ARHGAP15: variants seen among roughly 807,000 people sequenced by gnomAD.
The protein encoded by ARHGAP15 is rho GTPase-activating protein 15.
In ARHGAP15, 51 loss-of-function variants were observed where a neutral mutation model predicts 63.7. The ratio of observed to expected loss-of-function variants is 0.80; its 90% CI spans 0.64 to 1.01. The LOEUF is 1.01. ARHGAP15 is among the 50% of genes least tolerant of loss of function. The probability of loss-of-function intolerance (pLI) is 0.00; values close to 1 mark genes in which losing one functional copy is unlikely to be tolerated. For missense variants in ARHGAP15, 560 were observed against 564.6 expected (o/e 0.99, Z 0.08); for synonymous variants, 191 against 193.8 (o/e 0.99, Z 0.12).
chr2:143,448,839 A>G (rs991913676), intron 8 of ARHGAP15, among the ~76,000 whole-genome samples: 1 of 152,038 alleles, frequency 6.6e-6, no homozygotes, highest in African/African-American at 2.4e-5. Context: ...GGTGATTCCC[A>G]TGCACATTAA....
intron 1 of ARHGAP15, 107 bp from the exon 2 acceptor site, chr2:143,155,370 T>A (rs1049223258): frequency 1.8e-6 from 2 of 1,097,692 alleles, no homozygotes; most frequent in Non-Finnish European, 1.3e-6. Flanking sequence ...TGAAGACTCT[T>A]GTTTATCAAC....
chr2:143,594,083 T>C (rs1697420024), intron 11 of ARHGAP15, among the ~76,000 whole-genome samples: 2 of 152,156 alleles, frequency 1.3e-5, no homozygotes. Context: ...TGTGCATGTG[T>C]GTGCGTGTGT....
At chr2:143,667,679 A>G (rs1398784506) in intron 12 of ARHGAP15, among the ~76,000 whole-genome samples, 1 of 151,910 alleles carries the variant, frequency 6.6e-6, no homozygotes, top group African/African-American at 2.4e-5. Flanking sequence ...GTGATAACTT[A>G]TTATAAAATT....
At chr2:143,644,048 A>G (rs1345240178) in intron 12 of ARHGAP15, among the ~76,000 whole-genome samples, 1 of 152,144 alleles carries the variant, frequency 6.6e-6, no homozygotes, top group Non-Finnish European at 1.5e-5. Flanking sequence ...TGACACCTCT[A>G]TAACAAAAGA....
At chr2:143,214,291 A>T (rs1249724184) in intron 3 of ARHGAP15, among the ~76,000 whole-genome samples, 1 of 152,112 alleles carries the variant, frequency 6.6e-6, no homozygotes, top group Non-Finnish European at 1.5e-5. Flanking sequence ...AAAACAATAA[A>T]TTTTTTCTAC....
intron 6 of ARHGAP15, among the ~76,000 whole-genome samples, chr2:143,415,762 G>GGT (rs1029345421): frequency 7.9e-5 from 12 of 152,070 alleles, no homozygotes; most frequent in African/African-American, 2.2e-4. Context: ...AAGAAACTGT[G>GGT]GTATATATAT....
chr2:143,755,250 C>T (rs1296935395), intron 13 of ARHGAP15, among the ~76,000 whole-genome samples: 1 of 148,358 alleles, frequency 6.7e-6, no homozygotes, highest in Non-Finnish European at 1.5e-5. Context: ...TTAATAGGTG[C>T]TCCCAATGCT....
At chr2:143,265,158 C>G (rs1408364537) in intron 6 of ARHGAP15, among the ~76,000 whole-genome samples, 1 of 151,396 alleles carries the variant, frequency 6.6e-6, no homozygotes, top group Non-Finnish European at 1.5e-5. Flanking sequence ...ACAGGGTGTT[C>G]AGAGTCTTCA....
chr2:143,242,016 T>G (rs910357639), intron 5 of ARHGAP15, among the ~76,000 whole-genome samples: 17 of 152,194 alleles, frequency 1.1e-4, no homozygotes, highest in African/African-American at 1.9e-4. Flanking sequence ...TCTCCCATAT[T>G]TCTTCCCATT....
In ARHGAP15 at chr2:143,409,056, G is replaced by C. The variant is rs192882911; in HGVS notation, c.475-26545G>C. Among the ~76,000 whole-genome samples, 300 of 151,996 alleles carry C rather than the reference G, an allele frequency of 2.0e-3. 2 individuals carry two copies. Among genetic ancestry groups the C allele is most frequent in the African/African-American group, 7.1e-3 (294 of 41,514 alleles). ...TGTTTAATTATGAGTGTTTGACATA[G>C]AAAGCAATGATCTCTGACACTTTTT... On this transcript the variant is annotated intron_variant, in intron 6 of 13. Coordinates refer to ENST00000295095, the MANE Select transcript of ARHGAP15 (RefSeq NM_018460.4).
intron 1 of ARHGAP15, among the ~76,000 whole-genome samples, chr2:143,152,867 G>C (rs1175669821): frequency 6.6e-6 from 1 of 151,892 alleles, no homozygotes. Context: ...GGCTGGAGGA[G>C]AGACAGTGAG....
intron 4 of ARHGAP15, among the ~76,000 whole-genome samples, chr2:143,226,425 C>T (rs989220082): frequency 2.6e-4 from 40 of 152,254 alleles, no homozygotes; most frequent in South Asian, 6.2e-4. Context: ...ATGGATTCTT[C>T]GTGTGTGAGG....
chr2:143,253,540 G>C (rs1198851660), intron 6 of ARHGAP15, among the ~76,000 whole-genome samples: 3 of 151,984 alleles, frequency 2.0e-5, no homozygotes, highest in Non-Finnish European at 4.4e-5. Flanking sequence ...TAATTATTAA[G>C]TTTTGGTATT....
intron 13 of ARHGAP15, among the ~76,000 whole-genome samples, chr2:143,714,558 CATT>C (rs973912847): frequency 2.2e-4 from 34 of 152,352 alleles, no homozygotes; most frequent in African/African-American, 8.2e-4. Flanking sequence ...CTTTTCTACT[CATT>C]ATCAGGCTGC....
chr2:143,319,473 C>A (rs191661676), intron 6 of ARHGAP15, among the ~76,000 whole-genome samples: 1 of 152,116 alleles, frequency 6.6e-6, no homozygotes. Flanking sequence ...TCACCCGCTT[C>A]GGCCTGCCAA....
chr2:143,611,022 C>A (rs1159807125), intron 11 of ARHGAP15, among the ~76,000 whole-genome samples: 1 of 152,120 alleles, frequency 6.6e-6, no homozygotes, highest in Admixed American at 6.5e-5. Flanking sequence ...AGCCACTGCA[C>A]CTGGCCTTTT....
chr2:143,186,002 T>C (rs560447167), intron 2 of ARHGAP15, among the ~76,000 whole-genome samples: 2 of 152,254 alleles, frequency 1.3e-5, no homozygotes, highest in South Asian at 4.2e-4. Context: ...TAATAAATAG[T>C]CATTACATTC....
chr2:143,475,604 G>T (rs1397448960), intron 8 of ARHGAP15, among the ~76,000 whole-genome samples: 1 of 152,216 alleles, frequency 6.6e-6, no homozygotes, highest in African/African-American at 2.4e-5. Flanking sequence ...CCCTACAGAG[G>T]GTGCCAAGAG....
chr2:143,471,562 G>A (rs1380742205), intron 8 of ARHGAP15, among the ~76,000 whole-genome samples: 2 of 152,098 alleles, frequency 1.3e-5, no homozygotes, highest in African/African-American at 4.8e-5. Flanking sequence ...GCTCCTAAGT[G>A]GGGAAAACTT....
Sources: gnomAD v4.1 joint callset for allele counts (sites outside exome capture counted in the v4.1 genomes callset) on GRCh38, gnomAD v4.1.1 for gene constraint, MANE v1.5 for transcripts, NCBI Gene and HGNC (gene_info 2026-07-23, HGNC 2026-07-21) for gene names.